ODAD4: variants seen among roughly 807,000 people sequenced by gnomAD.
ODAD4 encodes the protein outer dynein arm docking complex subunit 4.
Under a neutral mutation model 51.8 loss-of-function variants are expected in ODAD4, and 49 were observed. The observed-to-expected ratio is 0.95, with a 90% CI of 0.75 to 1.20. ODAD4 has a LOEUF of 1.20. Among genes scored for constraint, ODAD4 ranks in the 50% most tolerant of loss-of-function variants. ODAD4 has a pLI of 0.00. For synonymous variants in ODAD4, 235 were observed against 221.3 expected, an observed-to-expected ratio of 1.06 and a Z score of -0.55; for missense variants, 590 against 586.5, an observed-to-expected ratio of 1.01 and a Z score of -0.06.
In ODAD4 at chr17:41,938,679, C is replaced by G. The variant is rs1056594531; in HGVS notation, c.748C>G (p.Arg250Gly). Residue 250 changes from arginine (R) to glycine (G), a missense_variant, in exon 6 of 12, where the codon CGG becomes GGG. By Grantham distance (125) the Arg-to-Gly change is moderately radical. Coordinates refer to ENST00000377540, the MANE Select transcript of ODAD4 (RefSeq NM_031421.5). ...GCAGAAGCCGATCTACGCCAGGGAG[C>G]GGGACCGGAAGCTGATGCAAGAGAA... ...RQQKPIYARE[R>G]DRKLMQEKWL... 1 of 1,613,916 alleles carries G rather than the reference C, an allele frequency of 6.2e-7. No individual in the cohort carries two copies. The highest frequency in any genetic ancestry group is 8.5e-7 in the Non-Finnish European group (1 of 1,179,888).
At chr17:41,944,825 A>G (rs1263520347) in intron 7 of ODAD4, among the ~76,000 whole-genome samples, 3 of 152,116 alleles carry the variant, frequency 2.0e-5, no homozygotes, top group African/African-American at 7.2e-5. Flanking sequence ...GCTTATTATT[A>G]TAAACTGTGC....
intron 5 of ODAD4, 187 bp downstream of exon 5, chr17:41,937,114 A>T (rs2050440719): frequency 1.5e-6 from 1 of 655,960 alleles, no homozygotes. Context: ...CTAAGGTCAT[A>T]TATAGGTAGG....
At chr17:41,964,287 C>T (rs531321736) in intron 11 of ODAD4, among the ~76,000 whole-genome samples, 1 of 151,700 alleles carries the variant, frequency 6.6e-6, no homozygotes, top group East Asian at 2.0e-4. Context: ...TCTCAAACTC[C>T]TGACCTCAGG....
intron 1 of ODAD4, among the ~76,000 whole-genome samples, chr17:41,934,806 G>C (rs1042195086): frequency 6.6e-6 from 1 of 152,232 alleles, no homozygotes. Context: ...CTTTGAGTAT[G>C]ATGTGTTGCC....
chr17:41,959,008 C>A lies in ODAD4; in HGVS notation c.1444-2374C>A, dbSNP rs371607343. On this transcript the variant is annotated intron_variant, in intron 10 of 11. Coordinates refer to ENST00000377540, the MANE Select transcript of ODAD4 (RefSeq NM_031421.5). ...CAGCCTGGGCGACAGAGCGAGACTC[C>A]GTCTCAAAAAAAAAAAAAAAGCTAC... Among the ~76,000 whole-genome samples the A allele has an allele frequency of 5.4e-5, 8 of 149,288 alleles. No homozygotes were observed. The South Asian group carries it at 1.3e-3, about 24-fold the overall frequency.
intron 10 of ODAD4, among the ~76,000 whole-genome samples, chr17:41,956,568 CG>C (rs2050737178): frequency 6.8e-6 from 1 of 147,604 alleles, no homozygotes; most frequent in African/African-American, 2.5e-5. Context: ...TGCTGGGACT[CG>C]GCAACATGGC....
At chr17:41,955,578 C>A (rs1371862951) in intron 10 of ODAD4, among the ~76,000 whole-genome samples, 1 of 152,224 alleles carries the variant, frequency 6.6e-6, no homozygotes, top group East Asian at 1.9e-4. Flanking sequence ...AGGCGCCCCC[C>A]ACCACGTCTG....
In ODAD4 at chr17:41,955,496, C is replaced by T. The variant is rs561291372; in HGVS notation, c.1443+179C>T. On this transcript the variant is annotated intron_variant, in intron 10 of 11. Coordinates refer to ENST00000377540, the MANE Select transcript of ODAD4 (RefSeq NM_031421.5). The stretch of plus-strand genomic sequence containing the variant: ...AGGCTGGAGTGCAATGGCGTGATCT[C>T]GGCTCACTGCAAGCTCCGCTTCCGG... 1.8e-4 allele frequency among the ~76,000 whole-genome samples: 28 copies of T among 152,096 alleles called. No homozygotes were observed. The East Asian group carries it at 4.3e-3, about 23-fold the overall frequency.
chr17:41,932,257 C>G (rs191609282), intron 1 of ODAD4, among the ~76,000 whole-genome samples: 9 of 152,124 alleles, frequency 5.9e-5, no homozygotes, highest in African/African-American at 2.2e-4. Context: ...TTAGTAGAGA[C>G]GGGGTTTCTC....
At chr17:41,950,961 C>T (rs938462190) in intron 9 of ODAD4, among the ~76,000 whole-genome samples, 72 of 152,132 alleles carry the variant, frequency 4.7e-4, no homozygotes, top group African/African-American at 1.7e-3. Flanking sequence ...CTGCCCGCCT[C>T]TGCCTCCCAA....
At chr17:41,952,181 AC>A (rs2050663159) in intron 9 of ODAD4, among the ~76,000 whole-genome samples, 1 of 151,966 alleles carries the variant, frequency 6.6e-6, no homozygotes, top group Admixed American at 6.6e-5. Flanking sequence ...AGCCTGGCCA[AC>A]ATAGTGAAAC....
intron 9 of ODAD4, among the ~76,000 whole-genome samples, chr17:41,953,449 G>T (rs1167774811): frequency 1.3e-5 from 2 of 152,018 alleles, no homozygotes; most frequent in Non-Finnish European, 2.9e-5. Context: ...ATAGATCTTG[G>T]ATATACTCAA....
chr17:41,965,001 C>T lies in ODAD4; in HGVS notation c.1537C>T (p.Leu513=), dbSNP rs782105223. 1 of 694,494 alleles carries T rather than the reference C, an allele frequency of 1.4e-6. No homozygotes were observed. Among genetic ancestry groups the T allele is most frequent in the South Asian group, 1.6e-5 (1 of 63,464 alleles). 43.0% of individuals were successfully genotyped at this position (694,494 alleles called of 1,614,324 possible). The change falls in exon 12 of 12, where the codon CTG becomes TTG. Residue 513 remains leucine, a synonymous_variant. Coordinates refer to ENST00000377540, the MANE Select transcript of ODAD4 (RefSeq NM_031421.5). ...LKEKSEGEAS[L]YEDRIITREK... ...TTTCTCTTATTTTTCAGAAGCTTCA[C>T]TGTATGAAGATAGAATAATAACAAG...
At position 41,955,297 on chromosome 17, in the gene ODAD4, GC is replaced by G; in HGVS notation, c.1424del (p.Ala475GlyfsTer20). 1.3e-6 allele frequency: 1 copy of G among 779,266 alleles called. No individual in the cohort carries two copies. Among genetic ancestry groups the G allele is most frequent in the South Asian group, 1.3e-5 (1 of 74,248 alleles). The allele number at this position is 779,266 out of a possible 1,614,324, so 48.3% of individuals were successfully genotyped here. ...ERAKLVHNNEAQQAIISALDD... is the reference protein window; with the variant it reads ...ERAKLVHNNEXQQAIISALDD... ...AGCAAAGCTTGTGCATAACAACGAG[GC>G]GCAGCAGGCCATCATCAGTGTGAGC... is the stretch of plus-strand genomic sequence containing the variant. On this transcript the variant is annotated frameshift_variant, in exon 10 of 12. Coordinates refer to ENST00000377540, the MANE Select transcript of ODAD4 (RefSeq NM_031421.5). LOFTEE classifies it high-confidence loss of function.
intron 11 of ODAD4, among the ~76,000 whole-genome samples, chr17:41,962,396 C>T (rs1207286425): frequency 2.0e-5 from 3 of 152,136 alleles, no homozygotes; most frequent in Admixed American, 2.0e-4. Context: ...TGGCCCCCTG[C>T]CTTTGGGCTC....
At chr17:41,957,867 C>T (rs782014884) in intron 10 of ODAD4, among the ~76,000 whole-genome samples, 38 of 151,876 alleles carry the variant, frequency 2.5e-4, no homozygotes, top group Non-Finnish European at 3.8e-4. Context: ...CTCACTGCAG[C>T]CTTGATCTCT....
chr17:41,951,234 G>A (rs948583768), intron 9 of ODAD4, among the ~76,000 whole-genome samples: 27 of 149,958 alleles, frequency 1.8e-4, no homozygotes, highest in Non-Finnish European at 3.4e-4. Context: ...ACAGGCGTGC[G>A]CCACCACACC....
chr17:41,944,525 C>T lies in ODAD4; in HGVS notation c.1059-611C>T, dbSNP rs185189975. ...TTTTTTTTGGCCAGGTGCAGTGGCT[C>T]ACATCTGTAATCCCAGCACTTTGGG... On this transcript the variant is annotated intron_variant, in intron 7 of 11. Transcript: ENST00000377540. Among the ~76,000 whole-genome samples, 97 of 151,294 alleles carry T rather than the reference C, an allele frequency of 6.4e-4. 1 individual carries two copies. Among genetic ancestry groups the T allele is most frequent in the African/African-American group, 2.3e-3 (93 of 41,018 alleles).
intron 10 of ODAD4, among the ~76,000 whole-genome samples, chr17:41,959,474 T>A (rs1398338688): frequency 6.6e-6 from 1 of 151,944 alleles, no homozygotes; most frequent in Non-Finnish European, 1.5e-5. Context: ...CAGCCTGGGG[T>A]CTGCAGGCAC....
Sources: allele counts gnomAD v4.1 joint callset (sites outside exome capture counted in the v4.1 genomes callset), GRCh38; gene constraint gnomAD v4.1.1; transcripts MANE v1.5; gene names NCBI Gene and HGNC (gene_info 2026-07-23, HGNC 2026-07-21).